The following SYCP1 variants were observed in gnomAD, a reference collection of about 807,000 sequenced individuals.
SYCP1 encodes synaptonemal complex protein 1.
A neutral mutation model predicts 153.1 loss-of-function variants in SYCP1; 64 were observed. That is an observed-to-expected ratio of 0.42 (90% CI 0.34 to 0.51). SYCP1 has a LOEUF of 0.51. Ranked by LOEUF, SYCP1 falls within the 20% of genes least tolerant of loss-of-function variation. The pLI is 0.06. For missense variants in SYCP1, 997 were observed against 1,049.0 expected, an observed-to-expected ratio of 0.95 and a Z score of 0.68; for synonymous variants, 384 against 341.8, an observed-to-expected ratio of 1.12 and a Z score of -1.36.
At chr1:114,966,446 G>T (rs1490161604) in intron 27 of SYCP1, among the ~76,000 whole-genome samples, 1 of 151,908 alleles carries the variant, frequency 6.6e-6, no homozygotes, top group Non-Finnish European at 1.5e-5. Flanking sequence ...TAGGGTATTG[G>T]TTTTGGATCT....
chr1:114,914,949 C>T (rs1272133120), intron 20 of SYCP1, among the ~76,000 whole-genome samples: 1 of 151,968 alleles, frequency 6.6e-6, no homozygotes, highest in Non-Finnish European at 1.5e-5. Flanking sequence ...ACACAGCATC[C>T]ATGCTATCAA....
upstream of SYCP1, among the ~76,000 whole-genome samples, chr1:114,854,151 T>C (rs914776657): frequency 6.6e-6 from 1 of 150,474 alleles, no homozygotes; most frequent in Non-Finnish European, 1.5e-5. Context: ...GTCTCCTCTC[T>C]CTCTCTCTTT....
Position 114,984,899 on chromosome 1 carries a change from T to C in SYCP1, c.2703+31T>C, listed in dbSNP as rs200758354. 4.6e-5 allele frequency: 50 copies of C among 1,087,688 alleles called. No homozygotes were observed. The East Asian group carries it at 1.6e-3, about 34-fold the overall frequency. 67.4% of individuals were successfully genotyped at this position (1,087,688 alleles called of 1,614,324 possible). On this transcript the variant is annotated intron_variant, in intron 30 of 31. Transcript: ENST00000369522. ...AATTTTACAAATAATATTTAGTATT[T>C]ATTTATATTACTTATTTGTATACTA...
chr1:114,984,977 A>G (rs1185621429), intron 30 of SYCP1, 109 bp downstream of exon 30: 6 of 474,012 alleles, frequency 1.3e-5, no homozygotes, highest in Non-Finnish European at 1.6e-5. Context: ...CCATTGCAAT[A>G]CTGATATACA....
intron 1 of SYCP1, 108 bp downstream of exon 1, chr1:114,855,126 A>G (rs1663844287): frequency 6.4e-6 from 1 of 156,736 alleles, no homozygotes; most frequent in African/African-American, 2.4e-5. Context: ...TCTTTTGGGT[A>G]GTGGTCCAGG....
At chr1:114,934,410 C>G (rs1669846884) in intron 23 of SYCP1, among the ~76,000 whole-genome samples, 1 of 152,098 alleles carries the variant, frequency 6.6e-6, no homozygotes, top group Non-Finnish European at 1.5e-5. Flanking sequence ...ATGAAGGAAG[C>G]ACTAAACATG....
Position 114,981,511 on chromosome 1 carries a change from AG to A in SYCP1, c.2559+1del. Reference protein sequence around the residue: ...AKNTLSTPLPKAYTVKTPTKP... With the variant: ...AKNTLSTPLPXAYTVKTPTKP... ...AATACTTTATCTACACCATTGCCAA[AG>A]GTTTGTGTCTAAATTTTCCATGTTA... On this transcript the variant is annotated frameshift_variant and splice_region_variant, in exon 29 of 32. Transcript: ENST00000369522. LOFTEE classifies it high-confidence loss of function. 6.3e-7 allele frequency: 1 copy of A among 1,580,212 alleles called. No homozygotes were observed. The highest frequency in any genetic ancestry group is 8.5e-7 in the Non-Finnish European group (1 of 1,170,592).
intron 30 of SYCP1, among the ~76,000 whole-genome samples, chr1:114,986,951 T>C (rs1673556114): frequency 6.6e-6 from 1 of 152,036 alleles, no homozygotes; most frequent in Middle Eastern, 3.2e-3. Flanking sequence ...GCCATGCTCA[T>C]GTTCCCTGAG....
intron 16 of SYCP1, among the ~76,000 whole-genome samples, chr1:114,902,829 A>G (rs1183554950): frequency 6.6e-6 from 1 of 152,148 alleles, no homozygotes; most frequent in African/African-American, 2.4e-5. Flanking sequence ...TACATATTTC[A>G]TAGGGTGATT....
At chr1:114,950,847 TCA>T in intron 27 of SYCP1, among the ~76,000 whole-genome samples, 2 of 41,084 alleles carry the variant, frequency 4.9e-5, no homozygotes, top group Non-Finnish European at 8.9e-5. Flanking sequence ...AGACAGAGTC[TCA>T]CGTCTCACTC....
intron 21 of SYCP1, among the ~76,000 whole-genome samples, chr1:114,923,796 TA>T (rs1404603189): frequency 2.0e-5 from 3 of 152,106 alleles, no homozygotes; most frequent in African/African-American, 7.2e-5. Context: ...TTAGGCAAAA[TA>T]AAAGGCTCAT....
chr1:114,979,326 A>G (rs1430577487), intron 28 of SYCP1, among the ~76,000 whole-genome samples: 1 of 151,774 alleles, frequency 6.6e-6, no homozygotes, highest in East Asian at 1.9e-4. Flanking sequence ...TATTTGTAAA[A>G]CATTTAAAAT....
In SYCP1 at chr1:114,984,637, A is replaced by G. The variant is rs569048783; in HGVS notation, c.2560-88A>G. 4 of 1,117,890 alleles carry G rather than the reference A, an allele frequency of 3.6e-6. No individual in the cohort carries two copies. In the East Asian group the frequency reaches 9.3e-5, roughly 26 times the overall value. 69.2% of individuals were successfully genotyped at this position (1,117,890 alleles called of 1,614,324 possible). ...GAGGTTTCTGATTGCTAAGGACTCAAATTGCCTTAAAATTATTTGTGAAAC... is the reference window on the plus strand; with the variant it reads ...GAGGTTTCTGATTGCTAAGGACTCAGATTGCCTTAAAATTATTTGTGAAAC... On this transcript the variant is annotated intron_variant, in intron 29 of 31. Transcript: ENST00000369522.
intron 8 of SYCP1, among the ~76,000 whole-genome samples, chr1:114,868,633 T>G (rs1167354713): frequency 6.6e-6 from 1 of 152,204 alleles, no homozygotes; most frequent in Non-Finnish European, 1.5e-5. Context: ...TTGGTATAGT[T>G]TCTTCCTTAA....
chr1:114,972,037 CA>C (rs540031546), intron 27 of SYCP1, among the ~76,000 whole-genome samples: 284 of 152,090 alleles, frequency 1.9e-3, no homozygotes, highest in Non-Finnish European at 2.5e-3. Context: ...GCAGTAAAGC[CA>C]TTGGGTCCTA....
At chr1:114,906,054 C>T (rs1667787451) in intron 16 of SYCP1, among the ~76,000 whole-genome samples, 1 of 152,008 alleles carries the variant, frequency 6.6e-6, no homozygotes, top group African/African-American at 2.4e-5. Context: ...CAACCTACAC[C>T]TCCTGGGTTC....
At chr1:114,870,214 C>A (rs1319590066) in intron 8 of SYCP1, among the ~76,000 whole-genome samples, 1 of 151,940 alleles carries the variant, frequency 6.6e-6, no homozygotes, top group African/African-American at 2.4e-5. Flanking sequence ...GGGTTTGCTA[C>A]GTTGCCTAGG....
chr1:114,867,012 A>ATATTTGTTTGGGTC (rs1292987123), intron 8 of SYCP1, among the ~76,000 whole-genome samples: 16 of 151,708 alleles, frequency 1.1e-4, no homozygotes, highest in African/African-American at 3.6e-4. Flanking sequence ...TCAGTTGACT[A>ATATTTGTTTGGGTC]TATTTGTTTG....
intron 1 of SYCP1, 150 bp downstream of exon 1, chr1:114,855,168 GGAATTTAATGGGACA>G: frequency 5.7e-6 from 1 of 174,964 alleles, no homozygotes. Flanking sequence ...GCGATGTGAT[GGAATTTAATGGGACA>G]GGAGAAGGGA....
Sources: allele counts gnomAD v4.1 joint callset (sites outside exome capture counted in the v4.1 genomes callset), GRCh38; gene constraint gnomAD v4.1.1; transcripts MANE v1.5; gene names NCBI Gene and HGNC (gene_info 2026-07-23, HGNC 2026-07-21).